NEDD4L: variants seen among roughly 807,000 people sequenced by gnomAD.
NEDD4L encodes the protein NEDD4 like E3 ubiquitin protein ligase, also known as E3 ubiquitin-protein ligase NEDD4-like.
NEDD4L carries 54 observed loss-of-function variants against 148.9 expected under a neutral mutation model. The observed-to-expected ratio is 0.36, with a 90% CI of 0.29 to 0.45. NEDD4L has a LOEUF of 0.45. Ranked by LOEUF, NEDD4L falls within the 20% of genes least tolerant of loss-of-function variation. NEDD4L has a pLI of 1.00. For synonymous variants in NEDD4L, 433 were observed against 440.7 expected, an observed-to-expected ratio of 0.98 and a Z score of 0.22; for missense variants, 856 against 1,233.8, an observed-to-expected ratio of 0.69 and a Z score of 4.59.
chr18:58,283,182 T>A (rs757512600), intron 5 of NEDD4L, among the ~76,000 whole-genome samples: 1 of 152,214 alleles, frequency 6.6e-6, no homozygotes, highest in Non-Finnish European at 1.5e-5. Flanking sequence ...TTCAAGCGAT[T>A]CTCCTGCCTT....
At chr18:58,125,879 C>T (rs1482032985) in intron 1 of NEDD4L, among the ~76,000 whole-genome samples, 1 of 152,238 alleles carries the variant, frequency 6.6e-6, no homozygotes, top group Non-Finnish European at 1.5e-5. Flanking sequence ...TTTAGCCAGC[C>T]ACATCTCCAG....
intron 1 of NEDD4L, among the ~76,000 whole-genome samples, chr18:58,093,541 C>G (rs1048608081): frequency 2.0e-5 from 3 of 152,136 alleles, no homozygotes; most frequent in African/African-American, 4.8e-5. Context: ...CCCACCCCAC[C>G]CAAATTGAAG....
chr18:58,114,769 C>G (rs2085674427), intron 1 of NEDD4L, among the ~76,000 whole-genome samples: 1 of 152,218 alleles, frequency 6.6e-6, no homozygotes, highest in South Asian at 2.1e-4. Context: ...ATCCCCTTGC[C>G]TTTCCCAGTT....
chr18:58,136,565 C>T (rs551000259), intron 1 of NEDD4L, among the ~76,000 whole-genome samples: 1 of 152,248 alleles, frequency 6.6e-6, no homozygotes, highest in Non-Finnish European at 1.5e-5. Context: ...AGTGGATATT[C>T]ACAAAAGAAG....
chr18:58,383,808 TAACTC>T (rs150215302), intron 25 of NEDD4L, among the ~76,000 whole-genome samples: 35 of 152,370 alleles, frequency 2.3e-4, no homozygotes, highest in East Asian at 9.6e-4. Context: ...GTAATATTCT[TAACTC>T]AACTTCAGCC....
chr18:58,353,163 G>T (rs1466048482), intron 18 of NEDD4L, among the ~76,000 whole-genome samples: 1 of 152,190 alleles, frequency 6.6e-6, no homozygotes, highest in African/African-American at 2.4e-5. Context: ...TGAGGCTAGC[G>T]CAACTCCGGC....
At chr18:58,346,873 A>G (rs946633580) in intron 16 of NEDD4L, among the ~76,000 whole-genome samples, 1 of 151,864 alleles carries the variant, frequency 6.6e-6, no homozygotes, top group Non-Finnish European at 1.5e-5. Flanking sequence ...CATAACTAAT[A>G]GAGAGCCTTG....
At chr18:58,332,599 G>A (rs1453206404) in intron 11 of NEDD4L, among the ~76,000 whole-genome samples, 6 of 152,180 alleles carry the variant, frequency 3.9e-5, no homozygotes, top group South Asian at 2.1e-4. Context: ...AGTGAGCCAC[G>A]ATTGCGCCAC....
rs1273869404 is a variant in NEDD4L at position 58,344,589 on chromosome 18, T to C, written c.1575+1486T>C. Among the ~76,000 whole-genome samples the C allele has an allele frequency of 2.0e-5, 3 of 152,362 alleles. No homozygotes were observed. In the East Asian group the frequency reaches 5.8e-4, roughly 29 times the overall value. Reference sequence around the variant, plus strand: ...TGGTAACATTCATTTGGTAAACTGATAACTGCTTCTAAGGCATATAATAAC... The same window carrying C: ...TGGTAACATTCATTTGGTAAACTGACAACTGCTTCTAAGGCATATAATAAC... On this transcript the variant is annotated intron_variant, in intron 16 of 30. Coordinates refer to ENST00000400345, the MANE Select transcript of NEDD4L (RefSeq NM_001144967.3).
chr18:58,205,487 GGTGTGTGTGTAT>G, intron 2 of NEDD4L, among the ~76,000 whole-genome samples: 1 of 151,420 alleles, frequency 6.6e-6, no homozygotes, highest in South Asian at 2.1e-4. Flanking sequence ...TGACTAGAGG[GGTGTGTGTGTAT>G]GTGTGTGTGT....
At chr18:58,098,799 C>CT (rs1326346906) in intron 1 of NEDD4L, among the ~76,000 whole-genome samples, 5 of 152,288 alleles carry the variant, frequency 3.3e-5, no homozygotes, top group African/African-American at 1.2e-4. Flanking sequence ...GGCTCACAGT[C>CT]ATCACTCTGT....
chr18:58,047,044 G>T (rs542647980), intron 1 of NEDD4L: 5 of 155,964 alleles, frequency 3.2e-5, no homozygotes, highest in African/African-American at 4.8e-5. Context: ...TGTTGAATTT[G>T]CACAGCTTGT....
intron 2 of NEDD4L, among the ~76,000 whole-genome samples, chr18:58,234,097 C>CTTTCTTTCTTCCT (rs1483373337): frequency 1.2e-5 from 1 of 83,358 alleles, no homozygotes; most frequent in Non-Finnish European, 2.3e-5. Context: ...TTCTTTCTTT[C>CTTTCTTTCTTCCT]TTTCTTTTCT....
chr18:58,118,002 G>A (rs1299260981), intron 1 of NEDD4L, among the ~76,000 whole-genome samples: 6 of 152,202 alleles, frequency 3.9e-5, no homozygotes, highest in Admixed American at 2.6e-4. Flanking sequence ...TGACAGCCCA[G>A]CAGAAAGAAT....
chr18:58,220,856 G>C (rs938012261), intron 2 of NEDD4L, among the ~76,000 whole-genome samples: 1 of 152,086 alleles, frequency 6.6e-6, no homozygotes, highest in Non-Finnish European at 1.5e-5. Context: ...TAGAGTAAGG[G>C]TGGTCAGGTT....
intron 1 of NEDD4L, among the ~76,000 whole-genome samples, chr18:58,074,453 T>C (rs1255047728): frequency 7.5e-6 from 1 of 133,252 alleles, no homozygotes; most frequent in Non-Finnish European, 1.6e-5. Flanking sequence ...TTTTTTTTTT[T>C]TAATAGAGTT....
intron 1 of NEDD4L, among the ~76,000 whole-genome samples, chr18:58,060,102 G>A (rs2144668717): frequency 6.9e-6 from 1 of 144,880 alleles, no homozygotes; most frequent in African/African-American, 2.6e-5. Context: ...TCACGCTGTG[G>A]TGTGTCCGGG....
intron 24 of NEDD4L, 43 bp downstream of exon 24, chr18:58,373,312 G>C: frequency 8.4e-7 from 1 of 1,188,456 alleles, no homozygotes; most frequent in Non-Finnish European, 1.2e-6. Flanking sequence ...AGCTTTCAAG[G>C]GGCATTTTTC....
In NEDD4L at chr18:58,258,358, A is replaced by G. The variant is rs1273568632; in HGVS notation, c.297+6304A>G. Among the ~76,000 whole-genome samples, 6 of 152,348 alleles carry G rather than the reference A, an allele frequency of 3.9e-5. No homozygotes were observed. In the East Asian group the frequency reaches 1.2e-3, roughly 29 times the overall value. On this transcript the variant is annotated intron_variant, in intron 5 of 30. Coordinates refer to ENST00000400345, the MANE Select transcript of NEDD4L (RefSeq NM_001144967.3). Reference sequence around the variant, plus strand: ...GACCACTTACCGCATGAAGATTGACAAAAATATATTTCCTAAAGTTTGATA... The same window carrying G: ...GACCACTTACCGCATGAAGATTGACGAAAATATATTTCCTAAAGTTTGATA...
Sources: gnomAD v4.1 joint callset for allele counts (sites outside exome capture counted in the v4.1 genomes callset) on GRCh38, gnomAD v4.1.1 for gene constraint, MANE v1.5 for transcripts, NCBI Gene and HGNC (gene_info 2026-07-23, HGNC 2026-07-21) for gene names.